NUMB: variants seen among roughly 807,000 people sequenced by gnomAD.
NUMB encodes the protein NUMB endocytic adaptor protein.
Under a neutral mutation model 59.7 loss-of-function variants are expected in NUMB, and 29 were observed. The ratio of observed to expected loss-of-function variants is 0.49; its 90% CI spans 0.36 to 0.66. The LOEUF is 0.66. Ranked by LOEUF, NUMB falls within the 30% of genes least tolerant of loss-of-function variation. The pLI, the probability that NUMB is intolerant of heterozygous loss-of-function variation, is 0.00. For synonymous variants in NUMB, 288 were observed against 288.2 expected (o/e 1.00, Z 0.01); for missense variants, 723 against 822.0 (o/e 0.88, Z 1.47).
intron 1 of NUMB, among the ~76,000 whole-genome samples, chr14:73,443,702 G>A (rs1883252950): frequency 6.6e-6 from 1 of 151,926 alleles, no homozygotes; most frequent in South Asian, 2.1e-4. Context: ...CCAGGCTGGA[G>A]TGCAGTAGCG....
At chr14:73,450,058 T>C (rs1466661623) in intron 1 of NUMB, among the ~76,000 whole-genome samples, 1 of 152,214 alleles carries the variant, frequency 6.6e-6, no homozygotes, top group Non-Finnish European at 1.5e-5. Flanking sequence ...AATAACAGTA[T>C]CTGGAATATT....
intron 2 of NUMB, among the ~76,000 whole-genome samples, chr14:73,396,578 T>G (rs966006326): frequency 6.6e-6 from 1 of 151,978 alleles, no homozygotes; most frequent in African/African-American, 2.4e-5. Context: ...CTATGTTACC[T>G]GGGCTGGTCT....
At chr14:73,421,498 A>C (rs1488531789) in intron 1 of NUMB, among the ~76,000 whole-genome samples, 1 of 152,116 alleles carries the variant, frequency 6.6e-6, no homozygotes, top group Non-Finnish European at 1.5e-5. Flanking sequence ...ATTTTTAATA[A>C]AATATTTTAA....
rs1006610829 is a variant in NUMB, at chr14:73,275,614, T to TTCTC, written c.*960_*963dup. ...ACTGCAGCAATATATAAAAGATATATTCTCTATAGAGCATATTTCGATTGA... is the reference window on the plus strand; with the variant it reads ...ACTGCAGCAATATATAAAAGATATATTCTCTCTCTATAGAGCATATTTCGATTGA... On this transcript the variant is annotated 3_prime_UTR_variant, in exon 13 of 13. Transcript: ENST00000555238. 2.0e-4 allele frequency: 30 copies of TTCTC among 152,352 alleles called. No individual in the cohort carries two copies. The highest frequency in any genetic ancestry group is 7.2e-4 in the African/African-American group (30 of 41,586). The allele number at this position is 152,352 out of a possible 1,614,324, so 9.4% of individuals were successfully genotyped here.
At chr14:73,438,499 C>T (rs1483939599) in intron 1 of NUMB, among the ~76,000 whole-genome samples, 4 of 151,734 alleles carry the variant, frequency 2.6e-5, no homozygotes, top group African/African-American at 9.7e-5. Context: ...GGTGTGCTGA[C>T]GCACATCTGT....
Position 73,277,010 on chromosome 14 carries a change from G to C in NUMB, c.1524C>G (p.Ala508=), listed in dbSNP as rs374413980. The C allele has an allele frequency of 3.1e-6, 5 of 1,614,052 alleles. No homozygotes were observed. The African/African-American group carries it at 6.7e-5, about 22-fold the overall frequency. Residue 508 remains alanine (A), a synonymous_variant, in exon 13 of 13, where the codon GCC becomes GCG. Coordinates refer to ENST00000555238, the MANE Select transcript of NUMB (RefSeq NM_001005743.2). ...VPALQPAFVP[A]QSYPVANGMP... is the part of the protein sequence containing the mutation. ...TTCCATTGGCCACAGGATAGGACTG[G>C]GCAGGGACAAAGGCTGGTTGCAGGG...
At chr14:73,345,439 T>C (rs1892863263) in intron 4 of NUMB, among the ~76,000 whole-genome samples, 1 of 152,142 alleles carries the variant, frequency 6.6e-6, no homozygotes. Context: ...CCCAGTGACA[T>C]GCAATTTACC....
rs987545456 is a variant in NUMB at position 73,277,028 on chromosome 14, T to C, written c.1506A>G (p.Gln502=). The change falls in exon 13 of 13, where the codon CAA becomes CAG. Residue 502 remains glutamine, a synonymous_variant. Transcript: ENST00000555238. ...AGGACTGGGCAGGGACAAAGGCTGG[T>C]TGCAGGGCTGGGACCACACCCACTG... is the stretch of plus-strand genomic sequence containing the variant. ...PVPVGVVPAL[Q]PAFVPAQSYP... is the part of the protein sequence containing the mutation. 3.1e-6 allele frequency: 5 copies of C among 1,614,054 alleles called. No homozygotes were observed. The highest frequency in any genetic ancestry group is 1.3e-5 in the African/African-American group (1 of 75,016).
At chr14:73,309,624 G>T (rs2139883072) in intron 6 of NUMB, among the ~76,000 whole-genome samples, 1 of 151,786 alleles carries the variant, frequency 6.6e-6, no homozygotes, top group Admixed American at 6.6e-5. Context: ...TTAAAACCTA[G>T]ATGACAGGTT....
At chr14:73,442,746 C>T (rs1416689786) in intron 1 of NUMB, among the ~76,000 whole-genome samples, 1 of 152,082 alleles carries the variant, frequency 6.6e-6, no homozygotes, top group African/African-American at 2.4e-5. Context: ...TTAGGAGTTG[C>T]CTGCGGGAAT....
chr14:73,446,025 C>T (rs2140198205), intron 1 of NUMB, among the ~76,000 whole-genome samples: 1 of 146,260 alleles, frequency 6.8e-6, no homozygotes, highest in African/African-American at 2.6e-5. Flanking sequence ...GAGATGGAGT[C>T]CTGCTCTGTC....
chr14:73,316,277 C>T, intron 6 of NUMB, 113 bp downstream of exon 6: 1 of 850,096 alleles, frequency 1.2e-6, no homozygotes, highest in South Asian at 1.5e-5. Flanking sequence ...ACAATCAAAC[C>T]AATTCCTGCA....
chr14:73,338,713 C>T (rs373321403), intron 4 of NUMB, among the ~76,000 whole-genome samples: 27 of 152,236 alleles, frequency 1.8e-4, no homozygotes, highest in African/African-American at 6.3e-4. Context: ...AAAATGTATG[C>T]GGGCATTTTT....
At chr14:73,424,694 G>A (rs61985847) in intron 1 of NUMB, among the ~76,000 whole-genome samples, 23,835 of 152,172 alleles carry the variant, frequency 0.16, 2,702 homozygotes, top group Non-Finnish European at 0.23. Flanking sequence ...TCATGAGCAC[G>A]TCTCTAAAGG....
At position 73,389,297 on chromosome 14, in the gene NUMB, AAAC is replaced by A. The variant is rs1232251997; in HGVS notation, c.-101+20637_-101+20639del. Among the ~76,000 whole-genome samples, 161 of 139,190 alleles carry A rather than the reference AAAC, an allele frequency of 1.2e-3. 11 individuals carry two copies. Among genetic ancestry groups the A allele is most frequent in the African/African-American group, 3.9e-3 (147 of 37,870 alleles). 91.3% of individuals were successfully genotyped at this position (139,190 alleles called of 152,430 possible). On this transcript the variant is annotated intron_variant, in intron 2 of 12. Coordinates refer to ENST00000555238, the MANE Select transcript of NUMB (RefSeq NM_001005743.2). Reference sequence around the variant, plus strand: ...CAAAAAAAAAAAAAAAAAAAAACAAAAACAAAAACACTGGTCTCTGTTTTATAC... The same window carrying A: ...CAAAAAAAAAAAAAAAAAAAAACAAAAAAAACACTGGTCTCTGTTTTATAC...
intron 7 of NUMB, 84 bp downstream of exon 7, chr14:73,297,127 A>G (rs1485789550): frequency 4.5e-6 from 4 of 889,332 alleles, no homozygotes; most frequent in Non-Finnish European, 7.2e-6. Context: ...AGATCGTGCC[A>G]TTGCACTCCA....
intron 1 of NUMB, among the ~76,000 whole-genome samples, chr14:73,457,101 C>T (rs75419237): frequency 6.6e-6 from 1 of 152,058 alleles, no homozygotes; most frequent in Admixed American, 6.6e-5. Context: ...TATTAGTATT[C>T]TGATGAGGAA....
chr14:73,372,668 T>C (rs1159448538), intron 2 of NUMB, among the ~76,000 whole-genome samples: 2 of 151,856 alleles, frequency 1.3e-5, no homozygotes, highest in African/African-American at 2.4e-5. Context: ...TACTCATTTG[T>C]TCAGTCCTAG....
intron 3 of NUMB, among the ~76,000 whole-genome samples, chr14:73,364,446 G>A (rs1407794923): frequency 6.6e-6 from 1 of 152,128 alleles, no homozygotes; most frequent in Non-Finnish European, 1.5e-5. Flanking sequence ...TGAGGTTGCA[G>A]TGGGCTGAGA....
Sources: gnomAD v4.1 joint callset for allele counts (sites outside exome capture counted in the v4.1 genomes callset) on GRCh38, gnomAD v4.1.1 for gene constraint, MANE v1.5 for transcripts, NCBI Gene and HGNC (gene_info 2026-07-23, HGNC 2026-07-21) for gene names.